The following CNIH2 variants were observed in gnomAD, a reference collection of about 807,000 sequenced individuals.
CNIH2 encodes cornichon family AMPA receptor auxiliary protein 2.
CNIH2 carries 8 observed loss-of-function variants against 22.9 expected under a neutral mutation model. That is an observed-to-expected ratio of 0.35 (90% confidence interval 0.20 to 0.63). The LOEUF is 0.63. Ranked by LOEUF, CNIH2 falls within the 30% of genes least tolerant of loss-of-function variation. CNIH2 has a pLI of 0.72. For synonymous variants in CNIH2, 74 were observed against 78.2 expected (o/e 0.95, Z 0.28); for missense variants, 105 against 206.2 (o/e 0.51, Z 3.01).
intron 2 of CNIH2, 76 bp downstream of exon 2, chr11:66,282,403 A>T: frequency 1.0e-5 from 2 of 200,454 alleles, no homozygotes; most frequent in Non-Finnish European, 1.8e-5. Flanking sequence ...GGGGTGGGAG[A>T]CGGGAAGACG....
chr11:66,278,542 G>C lies in CNIH2; in HGVS notation c.81+5G>C. The stretch of plus-strand genomic sequence containing the variant: ...ATCTTCTTTGTCATCTGGCACGTAA[G>C]GCCGGGCTGGGGCTGGGGCTGGGGG... On this transcript the variant is annotated splice_donor_5th_base_variant and intron_variant, in intron 1 of 5. Transcript: ENST00000311445. 6.7e-7 allele frequency: 1 copy of C among 1,491,276 alleles called. No individual in the cohort carries two copies. Among genetic ancestry groups the C allele is most frequent in the Non-Finnish European group, 8.9e-7 (1 of 1,119,670 alleles). The allele number at this position is 1,491,276 out of a possible 1,614,324, so 92.4% of individuals were successfully genotyped here. A position where few individuals can be genotyped will look rare whatever the true frequency, so the allele number is the denominator to read the frequency against.
rs1234044851 is a variant in CNIH2 at position 66,282,247 on chromosome 11, C to T, written c.82-12C>T. 4 of 1,612,452 alleles carry T rather than the reference C, an allele frequency of 2.5e-6. No individual in the cohort carries two copies. The highest frequency in any genetic ancestry group is 1.3e-5 in the African/African-American group (1 of 75,042). ...CTGCCCCAACCCTGACGGGCACACG[C>T]CCCTCCCCCAGATCATAGCCTTTGA... is the stretch of plus-strand genomic sequence containing the variant. On this transcript the variant is annotated splice_polypyrimidine_tract_variant and intron_variant, in intron 1 of 5. Coordinates refer to ENST00000311445, the MANE Select transcript of CNIH2 (RefSeq NM_182553.3).
Position 66,283,074 on chromosome 11 carries a change from C to CATCA in CNIH2, c.238_239insATCA (p.Leu80HisfsTer36). On this transcript the variant is annotated frameshift_variant, in exon 4 of 6. Coordinates refer to ENST00000311445, the MANE Select transcript of CNIH2 (RefSeq NM_182553.3). LOFTEE classifies it high-confidence loss of function. ...ATACTCCATCCACGGCCTCTTCTGTCTGATGTTTCTGTGTGCAGCAGAGTG... is the reference window on the plus strand; with the variant it reads ...ATACTCCATCCACGGCCTCTTCTGTCATCATGATGTTTCTGTGTGCAGCAGAGTG... 6.2e-7 allele frequency: 1 copy of CATCA among 1,614,058 alleles called. No individual in the cohort carries two copies. Among genetic ancestry groups the CATCA allele is most frequent in the Non-Finnish European group, 8.5e-7 (1 of 1,180,002 alleles).
Position 66,278,554 on chromosome 11 carries a change from G to T in CNIH2, c.81+17G>T, listed in dbSNP as rs2134873583. On this transcript the variant is annotated intron_variant, in intron 1 of 5. Transcript: ENST00000311445. ...ATCTGGCACGTAAGGCCGGGCTGGG[G>T]CTGGGGCTGGGGGCGGGGTGGGGGG... 1 of 1,399,764 alleles carries T rather than the reference G, an allele frequency of 7.1e-7. No individual in the cohort carries two copies. Among genetic ancestry groups the T allele is most frequent in the Non-Finnish European group, 9.5e-7 (1 of 1,054,966 alleles). The allele number at this position is 1,399,764 out of a possible 1,614,324, so 86.7% of individuals were successfully genotyped here.
At chr11:66,281,480 C>A (rs767955655) in intron 1 of CNIH2, 50 of 456,158 alleles carry the variant, frequency 1.1e-4, no homozygotes, top group South Asian at 7.6e-4. Context: ...CCCCACCAAT[C>A]CTGAGACATG....
chr11:66,282,919 T>A, intron 3 of CNIH2, 116 bp from the exon 4 acceptor site: 2 of 1,360,170 alleles, frequency 1.5e-6, no homozygotes, highest in Non-Finnish European at 2.1e-6. Context: ...AGAGGCCTTT[T>A]AATCCCCAGA....
In CNIH2 at chr11:66,283,064, C is replaced by A; in HGVS notation, c.228C>A (p.Gly76=). 2 of 1,614,030 alleles carry A rather than the reference C, an allele frequency of 1.2e-6. No individual in the cohort carries two copies. The highest frequency in any genetic ancestry group is 8.5e-7 in the Non-Finnish European group (1 of 1,179,948). ...TGGTCCCAGAATACTCCATCCACGG[C>A]CTCTTCTGTCTGATGTTTCTGTGTG... ...KLVVPEYSIH[G]LFCLMFLCAA... Residue 76 remains glycine (G), a synonymous_variant, in exon 4 of 6, where the codon GGC becomes GGA. Transcript: ENST00000311445.
chr11:66,281,669 T>C, intron 1 of CNIH2: 1 of 358,842 alleles, frequency 2.8e-6, no homozygotes, highest in Non-Finnish European at 5.5e-6. Context: ...CTTTTCTTCC[T>C]GCTCGCTGCG....
Position 66,283,554 on chromosome 11 carries a change from G to A in CNIH2, c.456-16G>A. On this transcript the variant is annotated splice_polypyrimidine_tract_variant and intron_variant, in intron 5 of 5. Transcript: ENST00000311445. ...TGTGTGTGCAGGGCTAGGCTCACTG[G>A]CTCATCTTCCTACAGTATGGTTTAT... is the stretch of plus-strand genomic sequence containing the variant. 1 of 1,597,954 alleles carries A rather than the reference G, an allele frequency of 6.3e-7. No individual in the cohort carries two copies. The highest frequency in any genetic ancestry group is 8.5e-7 in the Non-Finnish European group (1 of 1,171,528).
At chr11:66,282,591 C>A in intron 2 of CNIH2, 142 bp from the exon 3 acceptor site, 2 of 1,019,336 alleles carry the variant, frequency 2.0e-6, no homozygotes, top group Non-Finnish European at 2.9e-6. Context: ...GCCATGGGGA[C>A]GGCGCGGCTG....
At chr11:66,282,821 G>A in intron 3 of CNIH2, 41 bp downstream of exon 3, 2 of 1,588,024 alleles carry the variant, frequency 1.3e-6, no homozygotes, top group South Asian at 1.1e-5. Flanking sequence ...CTAGCCCAGC[G>A]CTGCCCCCAC....
chr11:66,282,421 G>GGGGT, intron 2 of CNIH2, 94 bp downstream of exon 2: 1 of 1,036,250 alleles, frequency 9.7e-7, no homozygotes, highest in East Asian at 2.7e-5. Flanking sequence ...ACGGGGGTGG[G>GGGGT]GTGGGGGGCC....
chr11:66,279,869 C>G (rs1857233316), intron 1 of CNIH2, among the ~76,000 whole-genome samples: 1 of 152,214 alleles, frequency 6.6e-6, no homozygotes, highest in African/African-American at 2.4e-5. Context: ...TGCTCTCTCT[C>G]TGGGTCTTGG....
rs1857304251 is a variant in CNIH2 at position 66,283,868 on chromosome 11, C to T, written c.*271C>T. 2.1e-6 allele frequency: 1 copy of T among 484,488 alleles called. No individual in the cohort carries two copies. Among genetic ancestry groups the T allele is most frequent in the African/African-American group, 1.9e-5 (1 of 51,378 alleles). The allele number at this position is 484,488 out of a possible 1,614,324, so 30.0% of individuals were successfully genotyped here. ...GCATGGCAGTCATTCCTGGAAGGGGCAGGACCTCCGGCCTTGTCCATTTCG... is the reference window on the plus strand; with the variant it reads ...GCATGGCAGTCATTCCTGGAAGGGGTAGGACCTCCGGCCTTGTCCATTTCG... On this transcript the variant is annotated 3_prime_UTR_variant, in exon 6 of 6. Transcript: ENST00000311445.
At chr11:66,282,396 GTGGGAGA>G in intron 2 of CNIH2, 69 bp downstream of exon 2, 1 of 1,358,522 alleles carries the variant, frequency 7.4e-7, no homozygotes, top group Non-Finnish European at 1.0e-6. Context: ...TGGGCTGGGG[GTGGGAGA>G]CGGGAAGACG....
chr11:66,278,196 G>GGAGAGCGAGGGAGCC lies in CNIH2; in HGVS notation c.-259_-245dup, dbSNP rs1320133652. On this transcript the variant is annotated 5_prime_UTR_variant, in exon 1 of 6. Coordinates refer to ENST00000311445, the MANE Select transcript of CNIH2 (RefSeq NM_182553.3). The stretch of plus-strand genomic sequence containing the variant: ...CTCCGCCCCGCCGGCTTCGCGGGCT[G>GGAGAGCGAGGGAGCC]GAGAGCGAGGGAGCCGCGGGCGAGG... The GGAGAGCGAGGGAGCC allele has an allele frequency of 6.8e-6, 1 of 148,086 alleles. No homozygotes were observed. Among genetic ancestry groups the GGAGAGCGAGGGAGCC allele is most frequent in the Admixed American group, 6.7e-5 (1 of 14,924 alleles). The allele number at this position is 148,086 out of a possible 1,614,324, so 9.2% of individuals were successfully genotyped here. A position where few individuals can be genotyped will look rare whatever the true frequency, so the allele number is the denominator to read the frequency against.
At chr11:66,282,681 C>G (rs1300310904) in intron 2 of CNIH2, 52 bp from the exon 3 acceptor site, 3 of 1,605,882 alleles carry the variant, frequency 1.9e-6, no homozygotes, top group East Asian at 2.2e-5. Flanking sequence ...GGGAGCTGCT[C>G]CAGTACCTGC....
chr11:66,282,429 G>GTGGGGGGGGGGGGGGGGGGGGGC, intron 2 of CNIH2, 102 bp downstream of exon 2: 2 of 479,458 alleles, frequency 4.2e-6, no homozygotes, highest in East Asian at 5.8e-5. Flanking sequence ...GGGGTGGGGG[G>GTGGGGGGGGGGGGGGGGGGGGGC]CCTACGGCCA....
At position 66,282,719 on chromosome 11, in the gene CNIH2, C is replaced by G; in HGVS notation, c.151-14C>G. On this transcript the variant is annotated splice_polypyrimidine_tract_variant and intron_variant, in intron 2 of 5. Coordinates refer to ENST00000311445, the MANE Select transcript of CNIH2 (RefSeq NM_182553.3). ...CTCCGCCACCCCATCGCGGCCTTTT[C>G]CTTCCCCCAACAGCGCGAGCGTTTA... The G allele has an allele frequency of 6.2e-7, 1 of 1,613,728 alleles. No homozygotes were observed. Among genetic ancestry groups the G allele is most frequent in the South Asian group, 1.1e-5 (1 of 91,076 alleles).
Sources: gnomAD v4.1 joint callset for allele counts (sites outside exome capture counted in the v4.1 genomes callset) on GRCh38, gnomAD v4.1.1 for gene constraint, MANE v1.5 for transcripts, NCBI Gene and HGNC (gene_info 2026-07-23, HGNC 2026-07-21) for gene names.